The following DNMT3A variants were observed in gnomAD, a reference collection of about 807,000 sequenced individuals.
The protein encoded by DNMT3A is DNA (cytosine-5)-methyltransferase 3A.
Under a neutral mutation model 117.6 loss-of-function variants are expected in DNMT3A, and 267 were observed. The observed-to-expected ratio is 2.27, with a 90% CI of 2.05 to 2.51. DNMT3A has a LOEUF of 2.51. DNMT3A is among the 30% of genes most tolerant of loss of function. The pLI is 0.00. For missense variants in DNMT3A, 1,029 were observed against 1,260.2 expected (o/e 0.82, Z 2.78); for synonymous variants, 432 against 474.8 (o/e 0.91, Z 1.17).
chr2:25,237,218 C>T lies in DNMT3A; in HGVS notation c.2409-213G>A, dbSNP rs1313234328. Among the ~76,000 whole-genome samples the T allele has an allele frequency of 1.3e-5, 2 of 152,128 alleles. No individual in the cohort carries two copies. The highest frequency in any genetic ancestry group is 2.4e-5 in the African/African-American group (1 of 41,410). ...CATGCAAAGACACAAATCCACCAAGCGTTAATCCTTAAAGGTAAATTCAAA... is the reference window on the plus strand; with the variant it reads ...CATGCAAAGACACAAATCCACCAAGTGTTAATCCTTAAAGGTAAATTCAAA... On this transcript the variant is annotated intron_variant, in intron 20 of 22. Transcript: ENST00000321117. The surrounding 1 kb of genome is among the most constrained non-coding windows in gnomAD (Gnocchi z 5.4).
rs894597221 is a variant in DNMT3A at position 25,254,387 on chromosome 2, G to A, written c.640-6135C>T. ...CCTGAAGAGCAAGGACCCCAAACCA[G>A]AGAGCCTTCTACCTAGAAGACTTGG... On this transcript the variant is annotated intron_variant, in intron 6 of 22. Coordinates refer to ENST00000321117, the MANE Select transcript of DNMT3A (RefSeq NM_022552.5). The surrounding 1 kb of genome is among the most constrained non-coding windows in gnomAD (Gnocchi z 4.7). 6.6e-6 allele frequency among the ~76,000 whole-genome samples: 1 copy of A among 151,996 alleles called. No homozygotes were observed. The highest frequency in any genetic ancestry group is 2.4e-5 in the African/African-American group (1 of 41,350).
chr2:25,310,465 T>C (rs1439312974), intron 2 of DNMT3A, among the ~76,000 whole-genome samples: 1 of 151,942 alleles, frequency 6.6e-6, no homozygotes, highest in Non-Finnish European at 1.5e-5. Context: ...GCCCACCATA[T>C]GGATGGCGGG....
At chr2:25,316,181 T>C (rs1267415305) in intron 1 of DNMT3A, among the ~76,000 whole-genome samples, 1 of 152,170 alleles carries the variant, frequency 6.6e-6, no homozygotes, top group African/African-American at 2.4e-5. Context: ...AGGGTTGTCT[T>C]GATGCTGCCC....
At position 25,311,664 on chromosome 2, in the gene DNMT3A, G is replaced by A. The variant is rs1230254129; in HGVS notation, c.72+2249C>T. Among the ~76,000 whole-genome samples, 1 of 152,278 alleles carries A rather than the reference G, an allele frequency of 6.6e-6. No individual in the cohort carries two copies. The highest frequency in any genetic ancestry group is 2.1e-4 in the South Asian group (1 of 4,828). ...CTATGGGTAGATAATAATAGCAATC[G>A]TAATCCCTCATAATTGGACCAGACT... On this transcript the variant is annotated intron_variant, in intron 2 of 22. Coordinates refer to ENST00000321117, the MANE Select transcript of DNMT3A (RefSeq NM_022552.5). This position sits in a 1 kb window ranked among gnomAD's most constrained non-coding sequence, Gnocchi z 5.2.
chr2:25,341,961 C>T, upstream of DNMT3A: 5 of 976,390 alleles, frequency 5.1e-6, no homozygotes, highest in Non-Finnish European at 6.1e-6. Context: ...GCCTGCCTCG[C>T]TCGCTCGCTC....
chr2:25,292,183 G>A (rs956870827), intron 3 of DNMT3A, among the ~76,000 whole-genome samples: 1 of 150,578 alleles, frequency 6.6e-6, no homozygotes, highest in Non-Finnish European at 1.5e-5. Context: ...AAATCCCTTC[G>A]ACCCTTAAAA....
chr2:25,325,887 C>G (rs1339863796), intron 1 of DNMT3A, among the ~76,000 whole-genome samples: 1 of 152,110 alleles, frequency 6.6e-6, no homozygotes, highest in African/African-American at 2.4e-5. Context: ...ACAACAAAAG[C>G]GGGATAACTA....
At chr2:25,277,430 G>A (rs2031521100) in intron 4 of DNMT3A, among the ~76,000 whole-genome samples, 3 of 152,156 alleles carry the variant, frequency 2.0e-5, no homozygotes, top group Admixed American at 6.5e-5. Flanking sequence ...TCAGGTGGCG[G>A]CCTGGGGGCG....
chr2:25,283,926 G>T (rs1280407233), intron 3 of DNMT3A, among the ~76,000 whole-genome samples: 1 of 152,188 alleles, frequency 6.6e-6, no homozygotes, highest in Non-Finnish European at 1.5e-5. Flanking sequence ...TTTGCTCCAG[G>T]TCACAGGCTT....
rs1419949295 is a variant in DNMT3A at position 25,337,378 on chromosome 2, C to A, written c.-178+4448G>T. ...ACCCAAATGATGAAAACAGACACAG[C>A]TAACAGGAGGGCTCCCGCTCCTCTA... On this transcript the variant is annotated intron_variant, in intron 1 of 22. Coordinates refer to ENST00000321117, the MANE Select transcript of DNMT3A (RefSeq NM_022552.5). This position sits in a 1 kb window ranked among gnomAD's most constrained non-coding sequence, Gnocchi z 5.0. Among the ~76,000 whole-genome samples, 1 of 152,236 alleles carries A rather than the reference C, an allele frequency of 6.6e-6. No individual in the cohort carries two copies. Among genetic ancestry groups the A allele is most frequent in the Admixed American group, 6.5e-5 (1 of 15,290 alleles).
rs1226939263 is a variant in DNMT3A, at chr2:25,252,277, G to C, written c.640-4025C>G. ...AGCTCTGGAAGTAGCTGCCCGTCTT[G>C]GGGGAGGGGAAGGGGGCGATGGGGC... On this transcript the variant is annotated intron_variant, in intron 6 of 22. Coordinates refer to ENST00000321117, the MANE Select transcript of DNMT3A (RefSeq NM_022552.5). The surrounding 1 kb of genome is among the most constrained non-coding windows in gnomAD (Gnocchi z 5.5). 6.8e-7 allele frequency: 1 copy of C among 1,468,932 alleles called. No individual in the cohort carries two copies. Among genetic ancestry groups the C allele is most frequent in the Non-Finnish European group, 9.1e-7 (1 of 1,103,626 alleles). 91.0% of individuals were successfully genotyped at this position (1,468,932 alleles called of 1,614,324 possible).
chr2:25,267,928 G>A (rs1188269430), intron 6 of DNMT3A, among the ~76,000 whole-genome samples: 1 of 152,222 alleles, frequency 6.6e-6, no homozygotes, highest in East Asian at 1.9e-4. Flanking sequence ...ATCCACAGAG[G>A]AGGAACCTCA....
chr2:25,280,936 C>T (rs1006408310), intron 4 of DNMT3A, among the ~76,000 whole-genome samples: 1 of 152,120 alleles, frequency 6.6e-6, no homozygotes, highest in Non-Finnish European at 1.5e-5. Flanking sequence ...GGTAGCAGCT[C>T]GGCAGGAGTC....
At chr2:25,335,739 A>T (rs943031054) in intron 1 of DNMT3A, among the ~76,000 whole-genome samples, 2 of 152,224 alleles carry the variant, frequency 1.3e-5, no homozygotes, top group Admixed American at 6.5e-5. Flanking sequence ...CTGTGCACTC[A>T]GACGGGGCAG....
intron 1 of DNMT3A, among the ~76,000 whole-genome samples, chr2:25,334,251 C>T (rs375938945): frequency 5.3e-5 from 8 of 152,162 alleles, no homozygotes; most frequent in Admixed American, 4.6e-4. Context: ...GGTAGCAAGA[C>T]GACTGCAGAC....
upstream of DNMT3A, chr2:25,342,295 C>T (rs1456334901): frequency 1.3e-5 from 2 of 150,702 alleles, no homozygotes; most frequent in Non-Finnish European, 1.5e-5. The surrounding 1 kb of genome is among the most constrained non-coding windows in gnomAD (Gnocchi z 5.9). Flanking sequence ...GAGGTCTGGA[C>T]CCCGCACCGC....
Position 25,234,363 on chromosome 2 carries a change from CCT to C in DNMT3A, c.2653_2654del (p.Arg885AlafsTer35). 1 of 1,614,132 alleles carries C rather than the reference CCT, an allele frequency of 6.2e-7. No individual in the cohort carries two copies. The highest frequency in any genetic ancestry group is 1.7e-5 in the Admixed American group (1 of 60,022). On this transcript the variant is annotated frameshift_variant, in exon 23 of 23. Coordinates refer to ENST00000321117, the MANE Select transcript of DNMT3A (RefSeq NM_022552.5). LOFTEE classifies it high-confidence loss of function. The surrounding 1 kb of genome is among the most constrained non-coding windows in gnomAD (Gnocchi z 4.5). ...TCCATGACCGGCCCAGCAGTCTCTGCCTCGCCAAGCGGCTCATGTTGGAGACG... is the reference window on the plus strand; with the variant it reads ...TCCATGACCGGCCCAGCAGTCTCTGCCGCCAAGCGGCTCATGTTGGAGACG... ...TDVSNMSRLA[R>X]QRLLGRSWSV...
rs1384515530 is a variant in DNMT3A at position 25,234,436 on chromosome 2, C to G, written c.2598-16G>C. ...ACCAAATACCCTGGGGGAGAAAAGG[C>G]AGAGAGGGCAGGGTGAGTGCTGGCC... is the stretch of plus-strand genomic sequence containing the variant. On this transcript the variant is annotated splice_polypyrimidine_tract_variant and intron_variant, in intron 22 of 22. Coordinates refer to ENST00000321117, the MANE Select transcript of DNMT3A (RefSeq NM_022552.5). The surrounding 1 kb of genome is among the most constrained non-coding windows in gnomAD (Gnocchi z 4.5). 1.2e-6 allele frequency: 2 copies of G among 1,609,112 alleles called. No homozygotes were observed. The highest frequency in any genetic ancestry group is 1.7e-6 in the Non-Finnish European group (2 of 1,177,166).
intron 22 of DNMT3A, among the ~76,000 whole-genome samples, chr2:25,235,139 CAGG>C (rs1673206514): frequency 6.6e-6 from 1 of 151,754 alleles, no homozygotes; most frequent in African/African-American, 2.4e-5. Flanking sequence ...GGGGGATCAG[CAGG>C]GTCTCTGGGA....
Sources: allele counts gnomAD v4.1 joint callset (sites outside exome capture counted in the v4.1 genomes callset), GRCh38; gene constraint gnomAD v4.1.1; non-coding constraint Gnocchi (gnomAD v3.1); transcripts MANE v1.5; gene names NCBI Gene and HGNC (gene_info 2026-07-23, HGNC 2026-07-21).